The following AKR1C8 variants were observed in gnomAD, a reference collection of about 807,000 sequenced individuals.
AKR1C8 encodes the protein aldo-keto reductase family 1 member C-like protein 1.
At chr10:5,120,792 T>G in the AKR1C8 span, among the ~76,000 whole-genome samples, 2 of 152,182 alleles carry the variant, frequency 1.3e-5, no homozygotes, top group Non-Finnish European at 2.9e-5. Context: ...TCTATTCTCA[T>G]AATTAAAATT....
the AKR1C8 span, among the ~76,000 whole-genome samples, chr10:5,150,110 A>G: frequency 1.4e-3 from 207 of 151,836 alleles, no homozygotes; most frequent in African/African-American, 4.9e-3. Context: ...TGAACATATT[A>G]GCTCTTCACT....
At chr10:5,155,773 C>T in the AKR1C8 span, 2 of 468,608 alleles carry the variant, frequency 4.3e-6, no homozygotes, top group Non-Finnish European at 4.4e-6. Flanking sequence ...AGGAAGAAAA[C>T]ACTCACATTA....
chr10:5,184,866 G>T, the AKR1C8 span: 1 of 299,306 alleles, frequency 3.3e-6, no homozygotes, highest in African/African-American at 2.2e-5. Flanking sequence ...GTGACCTTGA[G>T]AGGAGCAAGT....
the AKR1C8 span, among the ~76,000 whole-genome samples, chr10:5,145,105 C>T: frequency 1.1e-4 from 16 of 152,036 alleles, no homozygotes; most frequent in African/African-American, 3.9e-4. Context: ...TGTCAAAGGC[C>T]TTTTCTGCAT....
At chr10:5,141,600 G>T in the AKR1C8 span, among the ~76,000 whole-genome samples, 1 of 152,192 alleles carries the variant, frequency 6.6e-6, no homozygotes. Context: ...CTTTATCCAT[G>T]TACTGAAGAA....
At chr10:5,181,644 A>C in the AKR1C8 span, among the ~76,000 whole-genome samples, 3 of 152,332 alleles carry the variant, frequency 2.0e-5, no homozygotes, top group East Asian at 5.8e-4. Flanking sequence ...ATATTTCAGT[A>C]AATAATATTA....
the AKR1C8 span, among the ~76,000 whole-genome samples, chr10:5,142,428 T>C: frequency 1.3e-5 from 2 of 152,290 alleles, no homozygotes; most frequent in Non-Finnish European, 2.9e-5. Context: ...ATTAACACAA[T>C]AGACCTAGCT....
At chr10:5,171,007 G>A in the AKR1C8 span, among the ~76,000 whole-genome samples, 1 of 152,054 alleles carries the variant, frequency 6.6e-6, no homozygotes, top group Non-Finnish European at 1.5e-5. Context: ...ACTTTGAAAA[G>A]CAAAACGAAG....
the AKR1C8 span, among the ~76,000 whole-genome samples, chr10:5,169,442 G>T: frequency 6.6e-6 from 1 of 152,122 alleles, no homozygotes; most frequent in Non-Finnish European, 1.5e-5. Context: ...GATTCTGTTG[G>T]TTAAAAATTT....
chr10:5,177,770 G>GGT, the AKR1C8 span, among the ~76,000 whole-genome samples: 1 of 152,142 alleles, frequency 6.6e-6, no homozygotes, highest in East Asian at 1.9e-4. Context: ...TTTGCATAGA[G>GGT]GTGTTTGTAG....
the AKR1C8 span, among the ~76,000 whole-genome samples, chr10:5,152,978 A>G: frequency 2.6e-5 from 4 of 152,156 alleles, no homozygotes; most frequent in South Asian, 2.1e-4. Flanking sequence ...TCTTGAAAAA[A>G]AAGTTTGGAA....
the AKR1C8 span, among the ~76,000 whole-genome samples, chr10:5,143,295 T>C: frequency 2.0e-5 from 3 of 152,180 alleles, no homozygotes; most frequent in Admixed American, 6.6e-5. Context: ...ACTCCAAGCC[T>C]TCTGATCTTT....
the AKR1C8 span, among the ~76,000 whole-genome samples, chr10:5,165,783 G>C: frequency 6.6e-6 from 1 of 152,258 alleles, no homozygotes; most frequent in African/African-American, 2.4e-5. Flanking sequence ...CTTCATTAAA[G>C]GGTCTTACCC....
the AKR1C8 span, among the ~76,000 whole-genome samples, chr10:5,135,670 C>T: frequency 6.6e-6 from 1 of 152,058 alleles, no homozygotes; most frequent in Admixed American, 6.6e-5. Flanking sequence ...ACTCCAGCAA[C>T]AAGTCTCGTT....
chr10:5,144,705 T>C, the AKR1C8 span, among the ~76,000 whole-genome samples: 4 of 152,166 alleles, frequency 2.6e-5, no homozygotes, highest in African/African-American at 9.7e-5. Context: ...GCTTGTGATA[T>C]TTGTACATTG....
At chr10:5,115,985 C>T in the AKR1C8 span, among the ~76,000 whole-genome samples, 2 of 152,122 alleles carry the variant, frequency 1.3e-5, no homozygotes, top group South Asian at 2.1e-4. Flanking sequence ...ACCTGATATA[C>T]AAGCACCTCA....
the AKR1C8 span, among the ~76,000 whole-genome samples, chr10:5,181,077 G>A: frequency 5.0e-4 from 76 of 152,284 alleles, no homozygotes; most frequent in Non-Finnish European, 8.5e-4. Flanking sequence ...CGTCTTCTGC[G>A]TCACTCACGC....
the AKR1C8 span, among the ~76,000 whole-genome samples, chr10:5,179,382 C>T: frequency 1.3e-5 from 2 of 152,154 alleles, no homozygotes; most frequent in South Asian, 4.1e-4. Context: ...TTGTGGGTAA[C>T]CCGACCTTTC....
At chr10:5,142,173 C>T in the AKR1C8 span, among the ~76,000 whole-genome samples, 5 of 152,120 alleles carry the variant, frequency 3.3e-5, no homozygotes, top group Non-Finnish European at 4.4e-5. Context: ...AGATTTCTAA[C>T]ATCTTCTCTG....
Sources: allele counts gnomAD v4.1 joint callset (sites outside exome capture counted in the v4.1 genomes callset), GRCh38; gene constraint gnomAD v4.1.1; transcripts MANE v1.5; gene names NCBI Gene and HGNC (gene_info 2026-07-23, HGNC 2026-07-21).